TENM2: variants seen among roughly 807,000 people sequenced by gnomAD.
TENM2 encodes the protein teneurin-2.
In TENM2, 52 loss-of-function variants were observed where a neutral mutation model predicts 245.2. The ratio of observed to expected loss-of-function variants is 0.21; its 90% CI spans 0.17 to 0.27. TENM2 has a LOEUF of 0.27. TENM2 is among the 10% of genes least tolerant of loss of function. The pLI, the probability that TENM2 is intolerant of heterozygous loss-of-function variation, is 1.00. For missense variants in TENM2, 3,046 were observed against 3,666.8 expected, an observed-to-expected ratio of 0.83 and a Z score of 4.37; for synonymous variants, 1,363 against 1,438.9, an observed-to-expected ratio of 0.95 and a Z score of 1.19.
chr5:167,445,074 A>G (rs1458065442), intron 2 of TENM2, among the ~76,000 whole-genome samples: 1 of 152,052 alleles, frequency 6.6e-6, no homozygotes. Flanking sequence ...CAAATAGCTC[A>G]ATATTACCTG....
chr5:167,692,789 C>T (rs1227048430), intron 2 of TENM2, among the ~76,000 whole-genome samples: 1 of 152,138 alleles, frequency 6.6e-6, no homozygotes, highest in East Asian at 1.9e-4. Context: ...GAGAGGTTGC[C>T]CAAATGGCCT....
At chr5:167,324,887 A>G (rs1221714998) in intron 1 of TENM2, among the ~76,000 whole-genome samples, 4 of 152,166 alleles carry the variant, frequency 2.6e-5, no homozygotes, top group African/African-American at 4.8e-5. Context: ...CTCTGAGTCT[A>G]TAAAAGTGTT....
the TENM2 span, among the ~76,000 whole-genome samples, chr5:167,084,275 C>T: frequency 1.2e-4 from 16 of 131,716 alleles, no homozygotes; most frequent in Admixed American, 1.4e-3. Flanking sequence ...GATTTTGGCT[C>T]TGAAGACCTA....
At chr5:167,979,107 C>G (rs1260902747) in intron 4 of TENM2, among the ~76,000 whole-genome samples, 4 of 152,104 alleles carry the variant, frequency 2.6e-5, no homozygotes, top group African/African-American at 9.7e-5. Context: ...GATCCCCATT[C>G]AACATCAGGG....
chr5:168,079,762 G>T (rs1791811695), intron 7 of TENM2, among the ~76,000 whole-genome samples: 1 of 152,214 alleles, frequency 6.6e-6, no homozygotes, highest in South Asian at 2.1e-4. Flanking sequence ...AACCAGCCTT[G>T]CATCCCAGGG....
At chr5:167,048,160 A>G in the TENM2 span, among the ~76,000 whole-genome samples, 2 of 152,208 alleles carry the variant, frequency 1.3e-5, no homozygotes, top group African/African-American at 4.8e-5. Flanking sequence ...CCAAGTAATT[A>G]TGGTTTTAAA....
chr5:168,089,496 C>T (rs565176018), intron 7 of TENM2, among the ~76,000 whole-genome samples: 3 of 152,308 alleles, frequency 2.0e-5, no homozygotes, highest in South Asian at 2.1e-4. Flanking sequence ...CTCCCCATCC[C>T]CTTATCCTGG....
intron 2 of TENM2, among the ~76,000 whole-genome samples, chr5:167,452,180 T>C (rs373616445): frequency 3.5e-4 from 53 of 152,342 alleles, no homozygotes; most frequent in East Asian, 3.3e-3. Flanking sequence ...TACTTGCTTC[T>C]GGCTTCTGAG....
rs575114150 is a variant in TENM2 at position 167,905,226 on chromosome 5, G to A, written c.712+29031G>A. Among the ~76,000 whole-genome samples the A allele has an allele frequency of 1.1e-4, 16 of 152,246 alleles. No homozygotes were observed. In the South Asian group the frequency reaches 1.7e-3, roughly 16 times the overall value. On this transcript the variant is annotated intron_variant, in intron 3 of 28. Transcript: ENST00000518659. ...TGTCTATTCCATTTCCCGACAGTTC[G>A]GAATACACAGGTAGTCTAAAAAAAT...
chr5:167,853,036 C>G (rs1436301900), intron 2 of TENM2, among the ~76,000 whole-genome samples: 1 of 149,026 alleles, frequency 6.7e-6, no homozygotes, highest in Non-Finnish European at 1.5e-5. Context: ...CCTGTAATCC[C>G]AGCACTTTGG....
chr5:168,130,851 T>C (rs1220384654), intron 12 of TENM2, among the ~76,000 whole-genome samples: 1 of 152,030 alleles, frequency 6.6e-6, no homozygotes, highest in Non-Finnish European at 1.5e-5. Context: ...GATCACACCA[T>C]GGCACTCCAG....
At chr5:167,886,418 C>T (rs918488016) in intron 3 of TENM2, among the ~76,000 whole-genome samples, 1 of 152,092 alleles carries the variant, frequency 6.6e-6, no homozygotes, top group African/African-American at 2.4e-5. Flanking sequence ...AATGACTTAG[C>T]TATTAAATCA....
chr5:167,071,007 C>T, the TENM2 span, among the ~76,000 whole-genome samples: 1 of 152,026 alleles, frequency 6.6e-6, no homozygotes, highest in Non-Finnish European at 1.5e-5. Flanking sequence ...AGTGTCTGAC[C>T]GTACTACAGG....
chr5:167,642,136 G>A (rs1779651348), intron 2 of TENM2, among the ~76,000 whole-genome samples: 1 of 93,484 alleles, frequency 1.1e-5, no homozygotes, highest in Non-Finnish European at 2.6e-5. Flanking sequence ...GTGAGACGCT[G>A]TCTCAAAAAA....
chr5:167,252,124 T>G, the TENM2 span, among the ~76,000 whole-genome samples: 1 of 152,076 alleles, frequency 6.6e-6, no homozygotes, highest in African/African-American at 2.4e-5. Context: ...TAAGATTAAT[T>G]TGTTCCATGC....
At chr5:167,525,784 C>A (rs1771070922) in intron 2 of TENM2, among the ~76,000 whole-genome samples, 1 of 152,094 alleles carries the variant, frequency 6.6e-6, no homozygotes, top group South Asian at 2.1e-4. Context: ...CAGGTTATAA[C>A]CCTCTTTGAG....
intron 2 of TENM2, among the ~76,000 whole-genome samples, chr5:167,549,164 A>G (rs936075839): frequency 6.6e-6 from 1 of 152,222 alleles, no homozygotes; most frequent in Non-Finnish European, 1.5e-5. Flanking sequence ...TCACCCAGGA[A>G]TGAATTTCAA....
chr5:167,415,973 AAG>A (rs1352311066), intron 2 of TENM2, among the ~76,000 whole-genome samples: 7 of 152,084 alleles, frequency 4.6e-5, no homozygotes, highest in African/African-American at 1.7e-4. Context: ...TTGTCAGGAG[AAG>A]TAATTGTGAC....
At chr5:168,204,336 G>A in intron 18 of TENM2, 36 bp from the exon 21 acceptor site, 2 of 1,597,992 alleles carry the variant, frequency 1.3e-6, no homozygotes, top group Non-Finnish European at 1.7e-6. Flanking sequence ...TCCCCAGAGG[G>A]CTTCAGTAAC....
Sources: allele counts gnomAD v4.1 joint callset (sites outside exome capture counted in the v4.1 genomes callset), GRCh38; gene constraint gnomAD v4.1.1; transcripts MANE v1.5; gene names NCBI Gene and HGNC (gene_info 2026-07-23, HGNC 2026-07-21).